ZFP82: variants seen among roughly 807,000 people sequenced by gnomAD.
The protein encoded by ZFP82 is ZFP82 zinc finger protein.
In ZFP82, 30 loss-of-function variants were observed where a neutral mutation model predicts 54.0. That is an observed-to-expected ratio of 0.56 (90% CI 0.42 to 0.75). The LOEUF is 0.75. Among genes scored for constraint, ZFP82 ranks in the 30% least tolerant of loss-of-function variants. The pLI is 0.00. For missense variants in ZFP82, 500 were observed against 636.8 expected (o/e 0.79, Z 2.31); for synonymous variants, 194 against 209.5 (o/e 0.93, Z 0.64).
intron 1 of ZFP82, among the ~76,000 whole-genome samples, chr19:36,414,239 ATTATCT>A (rs1254086994): frequency 1.4e-4 from 22 of 152,046 alleles, no homozygotes; most frequent in Non-Finnish European, 7.4e-5. Context: ...TTGCTGATAA[ATTATCT>A]TTAACAATTT....
intron 4 of ZFP82, among the ~76,000 whole-genome samples, chr19:36,403,581 C>CT (rs1193702383): frequency 2.1e-5 from 3 of 145,864 alleles, no homozygotes; most frequent in African/African-American, 5.1e-5. Flanking sequence ...GATCACGCCA[C>CT]TGCACTCCAG....
chr19:36,388,786 T>C lies in ZFP82; in HGVS notation c.*3955A>G, dbSNP rs1265918662. On this transcript the variant is annotated 3_prime_UTR_variant, in exon 5 of 5. Transcript: ENST00000392161. Reference sequence around the variant, plus strand: ...ATAAACTACTTGCTGTTATTCACCTTAGTTTTTAAAAATTTCTAGCTTAAG... The same window carrying C: ...ATAAACTACTTGCTGTTATTCACCTCAGTTTTTAAAAATTTCTAGCTTAAG... 1.3e-5 allele frequency among the ~76,000 whole-genome samples: 2 copies of C among 152,192 alleles called. No individual in the cohort carries two copies. Among genetic ancestry groups the C allele is most frequent in the African/African-American group, 4.8e-5 (2 of 41,456 alleles).
chr19:36,400,965 G>A (rs2032373663), intron 4 of ZFP82, among the ~76,000 whole-genome samples: 1 of 151,954 alleles, frequency 6.6e-6, no homozygotes. Context: ...TCTCCATCTT[G>A]CTGGAACCTG....
Position 36,392,655 on chromosome 19 carries a change from G to GCCAAC in ZFP82, c.*81_*85dup. The GCCAAC allele has an allele frequency of 1.7e-6, 2 of 1,190,404 alleles. No homozygotes were observed. Among genetic ancestry groups the GCCAAC allele is most frequent in the East Asian group, 5.1e-5 (2 of 39,520 alleles). 73.7% of individuals were successfully genotyped at this position (1,190,404 alleles called of 1,614,324 possible). On this transcript the variant is annotated 3_prime_UTR_variant, in exon 5 of 5. Transcript: ENST00000392161. ...CTTTTAATGGTATAAAACCTCTAAT[G>GCCAAC]CCAACGCAGTTGCATGTATGGAGCA... is the stretch of plus-strand genomic sequence containing the variant.
rs370323805 is a variant in ZFP82, at chr19:36,393,658, A to G, written c.682T>C (p.Cys228Arg). ...ATGAAAGCTTCCCCACATTCCTTAC[A>G]TTCATAGAGTTTTTCACCAGAATGA... Reference protein sequence around the residue: ...RLHSGEKLYECKECGEAFICG... With the variant: ...RLHSGEKLYERKECGEAFICG... Residue 228 changes from cysteine to arginine, a missense_variant, in exon 5 of 5, where the codon TGT becomes CGT. Physicochemically the swap from Cys to Arg is radical, Grantham distance 180. Transcript: ENST00000392161. 7 of 1,613,912 alleles carry G rather than the reference A, an allele frequency of 4.3e-6. No homozygotes were observed. Among genetic ancestry groups the G allele is most frequent in the South Asian group, 1.1e-5 (1 of 91,078 alleles).
chr19:36,383,903 C>T (rs1257691907), downstream of ZFP82: 1 of 152,124 alleles, frequency 6.6e-6, no homozygotes, highest in Non-Finnish European at 1.5e-5. Context: ...TGGCAAGTTA[C>T]AGCGTTTAGC....
chr19:36,394,193 C>A, intron 4 of ZFP82, 83 bp from the exon 5 acceptor site: 4 of 1,252,334 alleles, frequency 3.2e-6, no homozygotes, highest in South Asian at 1.4e-5. Flanking sequence ...TAAAAGACAA[C>A]AAAAGTAATC....
At position 36,393,531 on chromosome 19, in the gene ZFP82, G is replaced by GT. The variant is rs768121315; in HGVS notation, c.808dup (p.Thr270AsnfsTer10). On this transcript the variant is annotated frameshift_variant, in exon 5 of 5. Transcript: ENST00000392161. LOFTEE classifies it high-confidence loss of function. Reference sequence around the variant, plus strand: ...ACCAGTATGAATCCTCTGATGCAGAGTAAGTTGTCCTCGTACCCTAAAAGC... The same window carrying GT: ...ACCAGTATGAATCCTCTGATGCAGAGTTAAGTTGTCCTCGTACCCTAAAAGC... 6.2e-7 allele frequency: 1 copy of GT among 1,614,070 alleles called. No homozygotes were observed. The highest frequency in any genetic ancestry group is 1.1e-5 in the South Asian group (1 of 91,078).
chr19:36,405,329 A>T (rs368410345), intron 4 of ZFP82, among the ~76,000 whole-genome samples: 9 of 152,192 alleles, frequency 5.9e-5, no homozygotes, highest in African/African-American at 1.9e-4. Context: ...ACAATAATAA[A>T]AAAGAAGAGT....
intron 3 of ZFP82, 144 bp from the exon 4 acceptor site, chr19:36,405,816 C>A (rs940163692): frequency 1.3e-5 from 7 of 521,166 alleles, no homozygotes; most frequent in Non-Finnish European, 2.0e-5. Context: ...AAAACATTTA[C>A]GTTAAGGTTA....
At chr19:36,396,326 G>A (rs2032292712) in intron 4 of ZFP82, among the ~76,000 whole-genome samples, 1 of 152,096 alleles carries the variant, frequency 6.6e-6, no homozygotes, top group African/African-American at 2.4e-5. Flanking sequence ...AGACCAGTCA[G>A]GGCAACATGG....
At chr19:36,384,562 C>T (rs1274546221), downstream of ZFP82, 3 of 152,112 alleles carry the variant, frequency 2.0e-5, no homozygotes, top group Non-Finnish European at 4.4e-5. Flanking sequence ...CATAATGTGA[C>T]TTTTTCCCCC....
At chr19:36,406,446 T>C (rs1418723932) in intron 3 of ZFP82, among the ~76,000 whole-genome samples, 1 of 152,216 alleles carries the variant, frequency 6.6e-6, no homozygotes, top group Non-Finnish European at 1.5e-5. Flanking sequence ...CTTCTTTTTG[T>C]CTCTATAGAT....
rs574096251 is a variant in ZFP82 at position 36,392,539 on chromosome 19, T to G, written c.*202A>C. The G allele has an allele frequency of 6.0e-5, 31 of 519,426 alleles. 1 individual carries two copies. In the South Asian group the frequency reaches 1.0e-3, roughly 17 times the overall value. 32.2% of individuals were successfully genotyped at this position (519,426 alleles called of 1,614,324 possible). On this transcript the variant is annotated 3_prime_UTR_variant, in exon 5 of 5. Coordinates refer to ENST00000392161, the MANE Select transcript of ZFP82 (RefSeq NM_133466.4). ...TGGGATAGGGATGACGGTAAATGTC[T>G]TTTTCATTCTTATAACAGGATTAGT...
In ZFP82 at chr19:36,392,495, C is replaced by T; in HGVS notation, c.*246G>A. 1 of 420,866 alleles carries T rather than the reference C, an allele frequency of 2.4e-6. No individual in the cohort carries two copies. The allele number at this position is 420,866 out of a possible 1,614,324, so 26.1% of individuals were successfully genotyped here. On this transcript the variant is annotated 3_prime_UTR_variant, in exon 5 of 5. Transcript: ENST00000392161. Reference sequence around the variant, plus strand: ...AGCACAGAGCAGTTAAGCGTCTTGTCCAGTATGACACAAAGTGATGGGATA... The same window carrying T: ...AGCACAGAGCAGTTAAGCGTCTTGTTCAGTATGACACAAAGTGATGGGATA...
intron 1 of ZFP82, among the ~76,000 whole-genome samples, chr19:36,418,155 C>A (rs943922606): frequency 4.6e-5 from 7 of 152,018 alleles, no homozygotes; most frequent in Non-Finnish European, 7.4e-5. Flanking sequence ...TGGCTTCCAG[C>A]GATCCTCCCG....
intron 1 of ZFP82, among the ~76,000 whole-genome samples, chr19:36,416,678 C>G (rs112608286): frequency 6.6e-6 from 1 of 150,516 alleles, no homozygotes; most frequent in African/African-American, 2.5e-5. Flanking sequence ...ATCGCTTGAA[C>G]CTGGGAGGCG....
chr19:36,404,466 T>C (rs1284185147), intron 4 of ZFP82, among the ~76,000 whole-genome samples: 1 of 152,220 alleles, frequency 6.6e-6, no homozygotes, highest in African/African-American at 2.4e-5. Context: ...AGCTTCTTCT[T>C]GATAAACGAC....
chr19:36,392,994 G>A lies in ZFP82; in HGVS notation c.1346C>T (p.Pro449Leu), dbSNP rs766242148. 6.2e-7 allele frequency: 1 copy of A among 1,614,138 alleles called. No homozygotes were observed. The highest frequency in any genetic ancestry group is 8.5e-7 in the Non-Finnish European group (1 of 1,180,024). ...QHQSIHIGEK[P>L]YKCKECGKAF... ...CTTGCCACATTCCTTACATTTATAA[G>A]GTTTCTCACCAATATGAATACTCTG... Residue 449 changes from proline to leucine, a missense_variant, in exon 5 of 5, where the codon CCT becomes CTT. By Grantham distance (98) the Pro-to-Leu change is moderately conservative. Transcript: ENST00000392161.
Sources: allele counts gnomAD v4.1 joint callset (sites outside exome capture counted in the v4.1 genomes callset), GRCh38; gene constraint gnomAD v4.1.1; transcripts MANE v1.5; gene names NCBI Gene and HGNC (gene_info 2026-07-23, HGNC 2026-07-21).